The following RGS7 variants were observed in gnomAD, a reference collection of about 807,000 sequenced individuals.
The protein encoded by RGS7 is regulator of G protein signaling 7.
RGS7 carries 27 observed loss-of-function variants against 81.1 expected under a neutral mutation model. The observed-to-expected ratio is 0.33, with a 90% CI of 0.25 to 0.46. The LOEUF (loss-of-function observed/expected upper bound fraction) is 0.46, where lower values mean the gene tolerates loss of function less well. Ranked by LOEUF, RGS7 falls within the 20% of genes least tolerant of loss-of-function variation. RGS7 has a pLI of 1.00. For synonymous variants in RGS7, 208 were observed against 207.7 expected, an observed-to-expected ratio of 1.00 and a Z score of -0.01; for missense variants, 396 against 607.4, an observed-to-expected ratio of 0.65 and a Z score of 3.66.
At chr1:240,856,710 A>C (rs1661193953) in intron 9 of RGS7, among the ~76,000 whole-genome samples, 1 of 152,210 alleles carries the variant, frequency 6.6e-6, no homozygotes, top group African/African-American at 2.4e-5. Flanking sequence ...TCAAAAGATA[A>C]TTTTGAATTT....
intron 2 of RGS7, among the ~76,000 whole-genome samples, chr1:241,221,039 AAAAG>A (rs60833569): frequency 0.055 from 5,013 of 91,712 alleles, 287 homozygotes; most frequent in Non-Finnish European, 0.072. Context: ...GGAAGGAAGG[AAAAG>A]AAAGAAAGAA....
At chr1:241,089,436 C>T (rs2063728127) in intron 3 of RGS7, among the ~76,000 whole-genome samples, 1 of 151,760 alleles carries the variant, frequency 6.6e-6, no homozygotes. Context: ...CCTTTTCTGC[C>T]TAAAAGCAGG....
intron 3 of RGS7, among the ~76,000 whole-genome samples, chr1:241,032,571 A>G (rs1342817247): frequency 2.0e-5 from 3 of 152,134 alleles, no homozygotes; most frequent in Admixed American, 6.5e-5. Context: ...TTTGTTAAGT[A>G]TGGTCATTTA....
At chr1:240,814,929 CT>C (rs1690530798) in intron 11 of RGS7, 152 bp from the exon 12 acceptor site, 2 of 659,340 alleles carry the variant, frequency 3.0e-6, no homozygotes, top group Admixed American at 5.0e-5. Flanking sequence ...GCAGAGGGCT[CT>C]TAAAGAGTTA....
intron 2 of RGS7, among the ~76,000 whole-genome samples, chr1:241,119,819 G>T (rs540730222): frequency 9.9e-5 from 15 of 151,568 alleles, no homozygotes; most frequent in Non-Finnish European, 1.8e-4. Flanking sequence ...TTGAAATGAC[G>T]GTCTTATTTT....
intron 6 of RGS7, among the ~76,000 whole-genome samples, chr1:240,906,772 T>C (rs1670890466): frequency 6.6e-6 from 1 of 152,150 alleles, no homozygotes; most frequent in Admixed American, 6.5e-5. Context: ...AGGAGCCTCT[T>C]TAACAAGAAC....
At chr1:240,822,079 A>G (rs1461873056) in intron 10 of RGS7, among the ~76,000 whole-genome samples, 1 of 152,166 alleles carries the variant, frequency 6.6e-6, no homozygotes, top group Non-Finnish European at 1.5e-5. Flanking sequence ...ATTGGATGGG[A>G]TTAACATTTA....
chr1:241,239,893 C>A lies in RGS7; in HGVS notation c.78+115806G>T, dbSNP rs141362239. On this transcript the variant is annotated intron_variant, in intron 2 of 18. Coordinates refer to ENST00000440928, the MANE Select transcript of RGS7 (RefSeq NM_001364886.1). ...ATCGATGACTTCTTTGCCTGCAGTT[C>A]AGCAAATACACAGCAGAAGTGAAGA... 7.4e-4 allele frequency among the ~76,000 whole-genome samples: 112 copies of A among 152,314 alleles called. 1 individual carries two copies. In the East Asian group the frequency reaches 0.021, roughly 28 times the overall value.
At position 241,163,302 on chromosome 1, in the gene RGS7, C is replaced by T. The variant is rs1251938288; in HGVS notation, c.79-64540G>A. ...TTTGTGGAGATGACTGCATAGCACC[C>T]CTCTTTTCAAATACAGGGTGGAGGA... On this transcript the variant is annotated intron_variant, in intron 2 of 18. Coordinates refer to ENST00000440928, the MANE Select transcript of RGS7 (RefSeq NM_001364886.1). The surrounding 1 kb of genome is among the most constrained non-coding windows in gnomAD (Gnocchi z 4.6). 6.6e-6 allele frequency among the ~76,000 whole-genome samples: 1 copy of T among 152,148 alleles called. No homozygotes were observed. The highest frequency in any genetic ancestry group is 2.4e-5 in the African/African-American group (1 of 41,442).
chr1:241,043,579 ATTAG>A (rs1326925307), intron 3 of RGS7, among the ~76,000 whole-genome samples: 1 of 147,294 alleles, frequency 6.8e-6, no homozygotes, highest in East Asian at 1.9e-4. Context: ...TATATATTAT[ATTAG>A]TTATATTTTA....
intron 4 of RGS7, among the ~76,000 whole-genome samples, chr1:240,960,644 T>C (rs1205408537): frequency 1.3e-5 from 2 of 150,808 alleles, no homozygotes; most frequent in Non-Finnish European, 2.9e-5. Context: ...ATGAGACTCA[T>C]GGAACTTGAT....
chr1:241,080,488 G>A (rs1477957735), intron 3 of RGS7, among the ~76,000 whole-genome samples: 3 of 151,972 alleles, frequency 2.0e-5, no homozygotes, highest in Non-Finnish European at 2.9e-5. Flanking sequence ...TACCTAGGAC[G>A]TAAGAAAATG....
chr1:241,152,219 C>T (rs76483746), intron 2 of RGS7, among the ~76,000 whole-genome samples: 1,601 of 151,636 alleles, frequency 0.011, 35 homozygotes, highest in East Asian at 0.058. Flanking sequence ...ACCAGTGCCA[C>T]GTATGTTTGA....
At chr1:241,285,940 C>T (rs983254251) in intron 2 of RGS7, among the ~76,000 whole-genome samples, 24 of 152,152 alleles carry the variant, frequency 1.6e-4, no homozygotes, top group Non-Finnish European at 3.5e-4. Context: ...AATCACATCC[C>T]TTATTTTTGA....
intron 9 of RGS7, among the ~76,000 whole-genome samples, chr1:240,831,241 A>G (rs200718212): frequency 6.6e-6 from 1 of 152,164 alleles, no homozygotes; most frequent in East Asian, 1.9e-4. Flanking sequence ...CAACAGATCT[A>G]TGATATCTAA....
At chr1:240,992,027 C>T (rs1686528347) in intron 3 of RGS7, among the ~76,000 whole-genome samples, 1 of 152,170 alleles carries the variant, frequency 6.6e-6, no homozygotes, top group Non-Finnish European at 1.5e-5. Flanking sequence ...CTAGTCCAGA[C>T]ACAGTTGCTG....
At chr1:241,061,594 G>A (rs2061740208) in intron 3 of RGS7, among the ~76,000 whole-genome samples, 1 of 152,098 alleles carries the variant, frequency 6.6e-6, no homozygotes, top group Non-Finnish European at 1.5e-5. Flanking sequence ...CATAAATAGG[G>A]TGCTTGGGAG....
At chr1:241,326,784 C>A (rs1237232541) in intron 2 of RGS7, among the ~76,000 whole-genome samples, 1 of 150,492 alleles carries the variant, frequency 6.6e-6, no homozygotes, top group African/African-American at 2.4e-5. Flanking sequence ...CTGGCACACA[C>A]CTGTAGTCCC....
intron 9 of RGS7, among the ~76,000 whole-genome samples, chr1:240,866,151 A>T (rs1342909854): frequency 2.6e-5 from 4 of 152,214 alleles, no homozygotes; most frequent in Non-Finnish European, 1.5e-5. Flanking sequence ...TGAAGGTAGG[A>T]TTGGTTTTAG....
Sources: allele counts gnomAD v4.1 joint callset (sites outside exome capture counted in the v4.1 genomes callset), GRCh38; gene constraint gnomAD v4.1.1; non-coding constraint Gnocchi (gnomAD v3.1); transcripts MANE v1.5; gene names NCBI Gene and HGNC (gene_info 2026-07-23, HGNC 2026-07-21).